Variants in COL23A1 observed in about 807,000 individuals in gnomAD.
COL23A1 encodes collagen alpha-1(XXIII) chain.
Under a neutral mutation model 99.3 loss-of-function variants are expected in COL23A1, and 97 were observed. The observed-to-expected ratio is 0.98, with a 90% CI of 0.83 to 1.16. The LOEUF is 1.16. COL23A1 is among the 50% of genes most tolerant of loss of function. The pLI is 0.00. For missense variants in COL23A1, 762 were observed against 757.4 expected, an observed-to-expected ratio of 1.01 and a Z score of -0.07; for synonymous variants, 320 against 308.2, an observed-to-expected ratio of 1.04 and a Z score of -0.40.
intron 2 of COL23A1, among the ~76,000 whole-genome samples, chr5:178,423,936 C>A (rs1009444245): frequency 6.6e-5 from 10 of 152,184 alleles, no homozygotes; most frequent in African/African-American, 2.4e-4. Flanking sequence ...AGCAGATAAT[C>A]CAGGAGGGCT....
intron 2 of COL23A1, among the ~76,000 whole-genome samples, chr5:178,369,163 G>A (rs1485779574): frequency 6.6e-6 from 1 of 152,218 alleles, no homozygotes; most frequent in African/African-American, 2.4e-5. Flanking sequence ...GCACAGCTAG[G>A]CAGGCCTCAG....
rs1360145706 is a variant in COL23A1 at position 178,256,866 on chromosome 5, C to T, written c.837G>A (p.Lys279=). 2.5e-6 allele frequency: 4 copies of T among 1,612,586 alleles called. No homozygotes were observed. Among genetic ancestry groups the T allele is most frequent in the Admixed American group, 3.3e-5 (2 of 59,896 alleles). The change falls in exon 14 of 29, where the codon AAG becomes AAA. Residue 279 remains lysine, a splice_region_variant and synonymous_variant. Coordinates refer to ENST00000390654, the MANE Select transcript of COL23A1 (RefSeq NM_173465.4). ...ENGVDGAPGP[K]GEPGHRGTDG... ...CCAGAGCAGAGAGCTCTCATGTCAC[C>T]TTCGGTCCTGGGGCACCGTCCACAC...
At chr5:178,256,696 A>G (rs956045027) in intron 14 of COL23A1, among the ~76,000 whole-genome samples, 170 bp downstream of exon 14, 5 of 152,156 alleles carry the variant, frequency 3.3e-5, no homozygotes, top group African/African-American at 1.2e-4. Context: ...ACCCAGATTC[A>G]CCACCGCTGC....
At chr5:178,262,393 C>A in intron 9 of COL23A1, 141 bp from the exon 10 acceptor site, 1 of 741,718 alleles carries the variant, frequency 1.3e-6, no homozygotes, top group African/African-American at 1.8e-5. Flanking sequence ...GCGAGTATCA[C>A]TGTCCCCACT....
chr5:178,402,709 A>T (rs1203208645), intron 2 of COL23A1, among the ~76,000 whole-genome samples: 1 of 151,704 alleles, frequency 6.6e-6, no homozygotes, highest in Non-Finnish European at 1.5e-5. Context: ...ACATAGCAAA[A>T]TCCTGTCTCT....
intron 8 of COL23A1, among the ~76,000 whole-genome samples, chr5:178,263,700 G>A (rs13355426): frequency 0.017 from 2,570 of 152,272 alleles, 76 homozygotes; most frequent in African/African-American, 0.058. Flanking sequence ...GACCTTCCTG[G>A]TTGGTCAACT....
chr5:178,297,452 A>T (rs1561837294), intron 3 of COL23A1, among the ~76,000 whole-genome samples: 1 of 152,210 alleles, frequency 6.6e-6, no homozygotes, highest in Non-Finnish European at 1.5e-5. Flanking sequence ...TGGGAGGCAG[A>T]TGTTGCAGTG....
chr5:178,338,361 A>G (rs79013498), intron 2 of COL23A1, among the ~76,000 whole-genome samples: 4,840 of 152,336 alleles, frequency 0.032, 75 homozygotes, highest in African/African-American at 0.047. Context: ...AGCCCTCAGA[A>G]TGAAGCCCCA....
At chr5:178,396,893 C>A (rs896140415) in intron 2 of COL23A1, among the ~76,000 whole-genome samples, 4 of 152,200 alleles carry the variant, frequency 2.6e-5, no homozygotes, top group African/African-American at 9.7e-5. Context: ...GACTGTTTGG[C>A]GTGGACTTCA....
At chr5:178,586,626 C>G (rs1269747369) in intron 1 of COL23A1, among the ~76,000 whole-genome samples, 2 of 138,002 alleles carry the variant, frequency 1.4e-5, no homozygotes, top group Non-Finnish European at 3.2e-5. Context: ...AAAAAAAGGA[C>G]AAGAAAAGAG....
chr5:178,281,723 A>G lies in COL23A1; in HGVS notation c.441+6601T>C, dbSNP rs1455561682. 6.6e-6 allele frequency among the ~76,000 whole-genome samples: 1 copy of G among 152,080 alleles called. No individual in the cohort carries two copies. Among genetic ancestry groups the G allele is most frequent in the East Asian group, 1.9e-4 (1 of 5,194 alleles). ...AGGCCTTTTCTACTTTTTAATAATTAATTGATTGATTTAAAATTTTATTTT... is the reference window on the plus strand; with the variant it reads ...AGGCCTTTTCTACTTTTTAATAATTGATTGATTGATTTAAAATTTTATTTT... On this transcript the variant is annotated intron_variant, in intron 5 of 28. Coordinates refer to ENST00000390654, the MANE Select transcript of COL23A1 (RefSeq NM_173465.4). This position sits in a 1 kb window ranked among gnomAD's most constrained non-coding sequence, Gnocchi z 4.0.
At chr5:178,586,413 G>T (rs1764008626) in intron 1 of COL23A1, among the ~76,000 whole-genome samples, 1 of 152,124 alleles carries the variant, frequency 6.6e-6, no homozygotes, top group Middle Eastern at 3.2e-3. Context: ...GGCATGGTCT[G>T]CTCTGCTCTG....
intron 2 of COL23A1, among the ~76,000 whole-genome samples, chr5:178,353,838 C>CA (rs201492385): frequency 0.018 from 2,754 of 150,116 alleles, 31 homozygotes; most frequent in Non-Finnish European, 0.03. Flanking sequence ...CGCAGCCATT[C>CA]AAAAAAAACT....
intron 2 of COL23A1, among the ~76,000 whole-genome samples, chr5:178,337,165 C>T (rs752902074): frequency 2.7e-4 from 41 of 152,232 alleles, no homozygotes; most frequent in Non-Finnish European, 3.1e-4. Flanking sequence ...TGCGCCAGGC[C>T]GGCCTCGCTC....
At chr5:178,454,572 G>A (rs1427291221) in intron 2 of COL23A1, among the ~76,000 whole-genome samples, 6 of 152,156 alleles carry the variant, frequency 3.9e-5, no homozygotes, top group African/African-American at 1.2e-4. Context: ...CCTCGCCTGT[G>A]AAATGGGCAT....
In COL23A1 at chr5:178,294,508, TC is replaced by T. The variant is rs1323485955; in HGVS notation, c.407-4140del. Among the ~76,000 whole-genome samples the T allele has an allele frequency of 9.2e-4, 88 of 95,308 alleles. 2 individuals are homozygous for T. Among genetic ancestry groups the T allele is most frequent in the African/African-American group, 3.3e-3 (76 of 22,778 alleles). The allele number at this position is 95,308 out of a possible 152,430, so 62.5% of individuals were successfully genotyped here. On this transcript the variant is annotated intron_variant, in intron 3 of 28. Transcript: ENST00000390654. ...CTCCCCAAATCACTACCGAGCTCCC[TC>T]CCCAAATCACTACCGAGCTCCTTCC...
intron 6 of COL23A1, among the ~76,000 whole-genome samples, chr5:178,269,434 C>CCAT (rs1756122730): frequency 3.0e-5 from 3 of 99,680 alleles, no homozygotes; most frequent in African/African-American, 1.3e-4. Context: ...CATCCACCCA[C>CCAT]CCACCCATCC....
In COL23A1 at chr5:178,377,207, A is replaced by T. The variant is rs114931027; in HGVS notation, c.362-70288T>A. Among the ~76,000 whole-genome samples, 922 of 152,280 alleles carry T rather than the reference A, an allele frequency of 6.1e-3. 6 individuals are homozygous for T. The highest frequency in any genetic ancestry group is 0.02 in the African/African-American group (832 of 41,548). On this transcript the variant is annotated intron_variant, in intron 2 of 28. Transcript: ENST00000390654. ...ACCCAGCAGAGCTATGATTAACGTA[A>T]TTCCAACAGATCTTCTCCCGTAACG...
intron 2 of COL23A1, among the ~76,000 whole-genome samples, chr5:178,360,001 G>A (rs1482206997): frequency 1.3e-5 from 2 of 152,220 alleles, no homozygotes; most frequent in East Asian, 3.9e-4. Flanking sequence ...TGAGGCCAGA[G>A]CCTCGGGTGA....
Sources: gnomAD v4.1 joint callset for allele counts (sites outside exome capture counted in the v4.1 genomes callset) on GRCh38, gnomAD v4.1.1 for gene constraint, Gnocchi (gnomAD v3.1) non-coding constraint, MANE v1.5 for transcripts, NCBI Gene and HGNC (gene_info 2026-07-23, HGNC 2026-07-21) for gene names.